The following PLXNA4 variants were observed in gnomAD, a reference collection of about 807,000 sequenced individuals.
PLXNA4 encodes the protein plexin A4, also known as plexin-A4.
PLXNA4 carries 44 observed loss-of-function variants against 191.8 expected under a neutral mutation model. The observed-to-expected ratio is 0.23, with a 90% CI of 0.18 to 0.29. The LOEUF is 0.29. PLXNA4 is among the 10% of genes least tolerant of loss of function. PLXNA4 has a pLI of 1.00. For missense variants in PLXNA4, 1,800 were observed against 2,488.8 expected, an observed-to-expected ratio of 0.72 and a Z score of 5.89; for synonymous variants, 1,082 against 1,009.5, an observed-to-expected ratio of 1.07 and a Z score of -1.36.
intron 9 of PLXNA4, among the ~76,000 whole-genome samples, chr7:132,216,742 C>T (rs1367347730): frequency 6.6e-6 from 1 of 152,200 alleles, no homozygotes; most frequent in East Asian, 1.9e-4. Flanking sequence ...ACACCGTTTA[C>T]GTCACTCTGC....
chr7:132,270,793 A>G (rs1445186288), intron 4 of PLXNA4, among the ~76,000 whole-genome samples: 8 of 152,232 alleles, frequency 5.3e-5, no homozygotes, highest in Non-Finnish European at 1.0e-4. Flanking sequence ...ATATGAATGA[A>G]TGTTTTCTCC....
chr7:132,548,164 T>C (rs958562819), intron 1 of PLXNA4, among the ~76,000 whole-genome samples: 1 of 152,112 alleles, frequency 6.6e-6, no homozygotes, highest in African/African-American at 2.4e-5. Flanking sequence ...TCCCAAATCC[T>C]GTGGGGTTTG....
chr7:132,385,928 C>G (rs144145768), intron 3 of PLXNA4, among the ~76,000 whole-genome samples: 1 of 152,204 alleles, frequency 6.6e-6, no homozygotes, highest in East Asian at 1.9e-4. Flanking sequence ...CGTTTTTGAA[C>G]GCTGAAGTGG....
In PLXNA4 at chr7:132,404,136, T is replaced by G. The variant is rs187468505; in HGVS notation, c.1371+85156A>C. Among the ~76,000 whole-genome samples, 5 of 152,158 alleles carry G rather than the reference T, an allele frequency of 3.3e-5. No homozygotes were observed. The East Asian group carries it at 7.7e-4, about 24-fold the overall frequency. ...TAACACAGGATGGGTCAGAGCCCAT[T>G]GAGGAATTAACCCAGAGGCCTTGAC... On this transcript the variant is annotated intron_variant, in intron 3 of 31. Transcript: ENST00000321063.
intron 3 of PLXNA4, among the ~76,000 whole-genome samples, chr7:132,445,234 T>C (rs1563102742): frequency 6.7e-6 from 1 of 149,726 alleles, no homozygotes; most frequent in Non-Finnish European, 1.5e-5. Flanking sequence ...CACCCTTCCA[T>C]GTGTAGGTTA....
intron 3 of PLXNA4, among the ~76,000 whole-genome samples, chr7:132,352,080 G>A (rs1459536415): frequency 1.3e-5 from 2 of 152,140 alleles, no homozygotes; most frequent in African/African-American, 2.4e-5. Flanking sequence ...ATTTAAGGGC[G>A]AGGAGGCTGC....
intron 3 of PLXNA4, among the ~76,000 whole-genome samples, chr7:132,467,454 C>T (rs746333745): frequency 1.3e-5 from 2 of 152,124 alleles, no homozygotes; most frequent in Non-Finnish European, 2.9e-5. Context: ...ACAACTTGAT[C>T]GTCCCATCCT....
chr7:132,387,886 A>T (rs1805223931), intron 3 of PLXNA4, among the ~76,000 whole-genome samples: 1 of 152,102 alleles, frequency 6.6e-6, no homozygotes, highest in East Asian at 1.9e-4. Flanking sequence ...CTGCTTGGCC[A>T]TTAAGGGCTC....
chr7:132,551,981 T>C (rs918963604), intron 1 of PLXNA4, among the ~76,000 whole-genome samples: 1 of 151,594 alleles, frequency 6.6e-6, no homozygotes, highest in Non-Finnish European at 1.5e-5. Flanking sequence ...CAGGGCCAGG[T>C]TGAAGGGGGT....
At chr7:132,533,933 A>T (rs2116454789) in intron 1 of PLXNA4, among the ~76,000 whole-genome samples, 1 of 151,008 alleles carries the variant, frequency 6.6e-6, no homozygotes, top group African/African-American at 2.5e-5. Flanking sequence ...TACTATTATT[A>T]TTATTATTAT....
chr7:132,498,963 G>A (rs570366345), intron 2 of PLXNA4, among the ~76,000 whole-genome samples: 7 of 152,250 alleles, frequency 4.6e-5, no homozygotes, highest in African/African-American at 1.7e-4. Context: ...ACCATCTGTG[G>A]CCCAAGCCCA....
intron 4 of PLXNA4, among the ~76,000 whole-genome samples, chr7:132,244,097 G>T (rs1157236516): frequency 6.6e-6 from 1 of 152,096 alleles, no homozygotes; most frequent in Non-Finnish European, 1.5e-5. Context: ...TGTGAGACAG[G>T]GACACAAGTC....
At chr7:132,193,918 A>C in intron 14 of PLXNA4, 144 bp downstream of exon 14, 1 of 1,062,520 alleles carries the variant, frequency 9.4e-7, no homozygotes, top group Non-Finnish European at 1.3e-6. Context: ...CACTCACTAT[A>C]AGACAGGAGT....
intron 2 of PLXNA4, among the ~76,000 whole-genome samples, chr7:132,496,041 C>G (rs548298321): frequency 3.9e-5 from 6 of 152,198 alleles, no homozygotes; most frequent in African/African-American, 1.4e-4. Context: ...GATGGACAGA[C>G]CTGGGCCATG....
intron 3 of PLXNA4, among the ~76,000 whole-genome samples, chr7:132,482,854 G>A (rs903181481): frequency 4.6e-5 from 7 of 152,090 alleles, no homozygotes; most frequent in East Asian, 3.9e-4. Context: ...CATCATGCCC[G>A]GCTAATTTTT....
At position 132,412,765 on chromosome 7, in the gene PLXNA4, T is replaced by G. The variant is rs141314494; in HGVS notation, c.1371+76527A>C. Among the ~76,000 whole-genome samples, 4 of 152,076 alleles carry G rather than the reference T, an allele frequency of 2.6e-5. No homozygotes were observed. In the East Asian group the frequency reaches 7.8e-4, roughly 30 times the overall value. ...CTGGGGAAAGCAGCCAAGACACAAT[T>G]CTTGTAGGTGTTATTCCAGAGAGCT... On this transcript the variant is annotated intron_variant, in intron 3 of 31. Transcript: ENST00000321063.
At chr7:132,459,918 C>T (rs1796440789) in intron 3 of PLXNA4, among the ~76,000 whole-genome samples, 1 of 151,854 alleles carries the variant, frequency 6.6e-6, no homozygotes, top group South Asian at 2.1e-4. Context: ...TACAAGAGTG[C>T]CCCCACCCCG....
chr7:132,210,372 G>A (rs991839934), intron 10 of PLXNA4, among the ~76,000 whole-genome samples: 16 of 152,210 alleles, frequency 1.1e-4, no homozygotes, highest in African/African-American at 3.9e-4. Flanking sequence ...GATAGGGCTT[G>A]GGCTTAATGT....
chr7:132,639,825 A>G (rs756088336), intron 2 of PLXNA4, among the ~76,000 whole-genome samples: 1 of 152,222 alleles, frequency 6.6e-6, no homozygotes, highest in South Asian at 2.1e-4. Flanking sequence ...ACCCACTTCC[A>G]TGTGACACTT....
Sources: gnomAD v4.1 joint callset for allele counts (sites outside exome capture counted in the v4.1 genomes callset) on GRCh38, gnomAD v4.1.1 for gene constraint, MANE v1.5 for transcripts, NCBI Gene and HGNC (gene_info 2026-07-23, HGNC 2026-07-21) for gene names.